GALNT17: variants seen among roughly 807,000 people sequenced by gnomAD.
GALNT17 encodes the protein polypeptide N-acetylgalactosaminyltransferase 17.
GALNT17 carries 29 observed loss-of-function variants against 63.7 expected under a neutral mutation model. The observed-to-expected ratio is 0.46, with a 90% CI of 0.34 to 0.62. The LOEUF (loss-of-function observed/expected upper bound fraction) is 0.62. Ranked by LOEUF, GALNT17 falls within the 20% of genes least tolerant of loss-of-function variation. The probability of loss-of-function intolerance (pLI) is 0.01; values close to 1 mark genes in which losing one functional copy is unlikely to be tolerated. For synonymous variants in GALNT17, 305 were observed against 318.3 expected (o/e 0.96, Z 0.45); for missense variants, 603 against 799.6 (o/e 0.75, Z 2.97).
chr7:71,701,871 A>G (rs867722195), intron 9 of GALNT17, among the ~76,000 whole-genome samples: 9,491 of 92,334 alleles, frequency 0.1, 647 homozygotes, highest in South Asian at 0.16. Context: ...ATATATATAC[A>G]TATATATATG....
chr7:71,537,426 G>A (rs1013651022), intron 5 of GALNT17, among the ~76,000 whole-genome samples: 2 of 152,128 alleles, frequency 1.3e-5, no homozygotes, highest in Non-Finnish European at 2.9e-5. Context: ...GGTGGCGGAC[G>A]GTTAGGGGGT....
intron 5 of GALNT17, among the ~76,000 whole-genome samples, chr7:71,452,413 G>T (rs1278549345): frequency 6.6e-6 from 1 of 152,052 alleles, no homozygotes; most frequent in Non-Finnish European, 1.5e-5. Context: ...AGGCATGGTG[G>T]TGTGCACCTG....
chr7:71,637,147 G>A (rs1790538241), intron 6 of GALNT17, among the ~76,000 whole-genome samples: 1 of 152,092 alleles, frequency 6.6e-6, no homozygotes, highest in Admixed American at 6.6e-5. Flanking sequence ...ACAGTTACAT[G>A]CTAGCTCTCA....
At chr7:71,235,000 T>C (rs1789860580) in intron 1 of GALNT17, among the ~76,000 whole-genome samples, 1 of 152,078 alleles carries the variant, frequency 6.6e-6, no homozygotes, top group Non-Finnish European at 1.5e-5. Context: ...CCTGTAATCC[T>C]AGCACTTTGG....
chr7:71,176,591 A>G (rs1788643049), intron 1 of GALNT17, among the ~76,000 whole-genome samples: 1 of 152,164 alleles, frequency 6.6e-6, no homozygotes, highest in Admixed American at 6.6e-5. Context: ...GGATGGGTTC[A>G]TGAACTACAA....
At chr7:71,225,638 C>T (rs1264139004) in intron 1 of GALNT17, among the ~76,000 whole-genome samples, 6 of 152,128 alleles carry the variant, frequency 3.9e-5, no homozygotes, top group Non-Finnish European at 5.9e-5. Flanking sequence ...CGTAACTTGT[C>T]GTTTGACTAA....
At chr7:71,269,485 C>T (rs989257711) in intron 1 of GALNT17, among the ~76,000 whole-genome samples, 3 of 152,060 alleles carry the variant, frequency 2.0e-5, no homozygotes, top group Non-Finnish European at 4.4e-5. Flanking sequence ...TAAGCCTTTG[C>T]TTCCCTTGCT....
intron 1 of GALNT17, among the ~76,000 whole-genome samples, chr7:71,249,215 C>T (rs577151234): frequency 2.9e-4 from 44 of 152,304 alleles, no homozygotes; most frequent in African/African-American, 7.2e-4. Flanking sequence ...TCCTTTCTTA[C>T]GTGGGTTAAA....
chr7:71,474,676 G>A (rs1477964239), intron 5 of GALNT17, among the ~76,000 whole-genome samples: 1 of 152,108 alleles, frequency 6.6e-6, no homozygotes, highest in Non-Finnish European at 1.5e-5. Context: ...CATTACAAGA[G>A]TCATTTGCGG....
At chr7:71,369,595 T>C (rs574236829) in intron 2 of GALNT17, among the ~76,000 whole-genome samples, 1 of 152,024 alleles carries the variant, frequency 6.6e-6, no homozygotes, top group African/African-American at 2.4e-5. Flanking sequence ...GGCGGATCAC[T>C]TGAGTTCTAG....
chr7:71,663,798 G>A (rs1790942975), intron 6 of GALNT17, among the ~76,000 whole-genome samples: 1 of 152,196 alleles, frequency 6.6e-6, no homozygotes, highest in Admixed American at 6.5e-5. Flanking sequence ...GAGTGTCCCA[G>A]TATTCTTGCT....
chr7:71,519,545 C>T (rs1442671886), intron 5 of GALNT17, among the ~76,000 whole-genome samples: 1 of 152,140 alleles, frequency 6.6e-6, no homozygotes, highest in Non-Finnish European at 1.5e-5. Context: ...CTCACTGCAA[C>T]CTCCACCTCC....
At chr7:71,181,946 C>T (rs968018414) in intron 1 of GALNT17, among the ~76,000 whole-genome samples, 8 of 151,922 alleles carry the variant, frequency 5.3e-5, no homozygotes, top group Non-Finnish European at 1.2e-4. Context: ...GAGGCCAAGG[C>T]GGGCGGATCA....
intron 1 of GALNT17, among the ~76,000 whole-genome samples, chr7:71,141,652 GA>G (rs1258382116): frequency 6.6e-6 from 1 of 151,288 alleles, no homozygotes; most frequent in Non-Finnish European, 1.5e-5. Flanking sequence ...AGGTACTCAG[GA>G]GATGTTTCTT....
chr7:71,578,004 C>CATTT (rs60916222), intron 6 of GALNT17, among the ~76,000 whole-genome samples: 29,796 of 142,984 alleles, frequency 0.21, 3,676 homozygotes, highest in Middle Eastern at 0.26. Context: ...GGGTTGTTTA[C>CATTT]ATTTATTTAT....
intron 5 of GALNT17, among the ~76,000 whole-genome samples, chr7:71,456,422 G>A (rs1366514857): frequency 6.6e-6 from 1 of 152,056 alleles, no homozygotes; most frequent in Non-Finnish European, 1.5e-5. Context: ...GCCTTGGCCG[G>A]GCGTAGTGGC....
At chr7:71,517,862 TA>T (rs1172688005) in intron 5 of GALNT17, among the ~76,000 whole-genome samples, 1 of 152,172 alleles carries the variant, frequency 6.6e-6, no homozygotes, top group African/African-American at 2.4e-5. Context: ...TGATGAAAGT[TA>T]TGCAGAAAGT....
intron 2 of GALNT17, among the ~76,000 whole-genome samples, chr7:71,347,388 G>T (rs1792114882): frequency 6.6e-6 from 1 of 152,014 alleles, no homozygotes; most frequent in African/African-American, 2.4e-5. Flanking sequence ...TAGAATTGCT[G>T]TGTGGATTAA....
intron 1 of GALNT17, among the ~76,000 whole-genome samples, chr7:71,250,085 A>G (rs928084115): frequency 2.6e-5 from 4 of 152,324 alleles, no homozygotes; most frequent in Admixed American, 6.5e-5. Context: ...AATCATAGAA[A>G]CATTTCCAAA....
Sources: allele counts gnomAD v4.1 joint callset (sites outside exome capture counted in the v4.1 genomes callset), GRCh38; gene constraint gnomAD v4.1.1; transcripts MANE v1.5; gene names NCBI Gene and HGNC (gene_info 2026-07-23, HGNC 2026-07-21).